The following TDO2 variants were observed in gnomAD, a reference collection of about 807,000 sequenced individuals.
The protein encoded by TDO2 is tryptamin 2,3-dioxygenase.
A neutral mutation model predicts 61.2 loss-of-function variants in TDO2; 63 were observed. The observed-to-expected ratio is 1.03, with a 90% CI of 0.84 to 1.27. TDO2 has a LOEUF of 1.27. TDO2 is among the 50% of genes most tolerant of loss of function. The pLI, the probability that TDO2 is intolerant of heterozygous loss-of-function variation, is 0.00. For synonymous variants in TDO2, 183 were observed against 164.0 expected (o/e 1.12, Z -0.89); for missense variants, 494 against 469.5 (o/e 1.05, Z -0.48).
intron 1 of TDO2, 102 bp downstream of exon 1, chr4:155,903,895 T>C (rs1352399265): frequency 6.6e-7 from 1 of 1,525,372 alleles, no homozygotes; most frequent in South Asian, 1.1e-5. Flanking sequence ...CTGTCACCTT[T>C]ATTCCTTTGT....
chr4:155,903,834 G>A, intron 1 of TDO2, 41 bp downstream of exon 1: 1 of 1,608,602 alleles, frequency 6.2e-7, no homozygotes, highest in Non-Finnish European at 8.5e-7. Context: ...TTGGCTTTTA[G>A]AAGTATCAGG....
Position 155,908,771 on chromosome 4 carries a change from G to A in TDO2, c.304-116G>A, listed in dbSNP as rs909668859. ...ACTCTTTGCAAATTTTAGTTTCAAA[G>A]TTTCCCTTTAAAACCAAATTAGAGA... is the stretch of plus-strand genomic sequence containing the variant. On this transcript the variant is annotated intron_variant, in intron 4 of 11. Transcript: ENST00000536354. 29 of 1,325,168 alleles carry A rather than the reference G, an allele frequency of 2.2e-5. No homozygotes were observed. The African/African-American group carries it at 3.3e-4, about 15-fold the overall frequency. 82.1% of individuals were successfully genotyped at this position (1,325,168 alleles called of 1,614,324 possible).
intron 7 of TDO2, among the ~76,000 whole-genome samples, chr4:155,912,170 G>A (rs1008754305): frequency 3.3e-5 from 5 of 152,254 alleles, no homozygotes; most frequent in Admixed American, 3.3e-4. Flanking sequence ...CATGCTACTT[G>A]GGTTCCATTT....
At chr4:155,912,161 A>G (rs574718900) in intron 7 of TDO2, among the ~76,000 whole-genome samples, 2 of 152,306 alleles carry the variant, frequency 1.3e-5, no homozygotes, top group Admixed American at 6.5e-5. Context: ...CTTTGAAGTC[A>G]TGCTACTTGG....
chr4:155,904,139 CTTACAGGGTTT>C lies in TDO2; in HGVS notation c.141+17_141+27del. The C allele has an allele frequency of 1.9e-6, 3 of 1,589,606 alleles. No individual in the cohort carries two copies. Among genetic ancestry groups the C allele is most frequent in the Non-Finnish European group, 2.6e-6 (3 of 1,159,426 alleles). ...CTACCTGCATGTAAGTGGCAGGGTC[CTTACAGGGTTT>C]GGTGTCCATTGTTAGGCACTCAATT... On this transcript the variant is annotated intron_variant, in intron 2 of 11. Coordinates refer to ENST00000536354, the MANE Select transcript of TDO2 (RefSeq NM_005651.4).
intron 3 of TDO2, 51 bp downstream of exon 3, chr4:155,905,208 T>C (rs1180087148): frequency 2.3e-6 from 3 of 1,318,272 alleles, no homozygotes; most frequent in Non-Finnish European, 3.1e-6. Flanking sequence ...TTCTCATTGA[T>C]AACGAGGAAA....
At position 155,919,948 on chromosome 4, in the gene TDO2, A is replaced by G. The variant is rs1237885920; in HGVS notation, c.1179A>G (p.Glu393=). The G allele has an allele frequency of 6.2e-7, 1 of 1,613,744 alleles. No homozygotes were observed. The highest frequency in any genetic ancestry group is 8.5e-7 in the Non-Finnish European group (1 of 1,179,772). ...TTCACAAATTTCTATATACAGCAGA[A>G]TACTGTGATAGCTCCTACTTCAGCA... ...PTIHKFLYTA[E]YCDSSYFSSD... is the part of the protein sequence containing the mutation. The change falls in exon 12 of 12, where the codon GAA becomes GAG. Residue 393 remains glutamate, a synonymous_variant. Transcript: ENST00000536354.
intron 9 of TDO2, among the ~76,000 whole-genome samples, chr4:155,917,071 T>C (rs2110884794): frequency 6.6e-6 from 1 of 152,362 alleles, no homozygotes; most frequent in African/African-American, 2.4e-5. Context: ...TAGAAGTGTT[T>C]GATTATTTTC....
intron 5 of TDO2, 140 bp downstream of exon 5, chr4:155,909,154 C>G (rs545191660): frequency 1.6e-6 from 1 of 641,498 alleles, no homozygotes; most frequent in Non-Finnish European, 2.3e-6. Context: ...TAGGGGTCTT[C>G]GATCACAAAG....
At chr4:155,904,788 A>C (rs1013501945) in intron 2 of TDO2, among the ~76,000 whole-genome samples, 1 of 152,192 alleles carries the variant, frequency 6.6e-6, no homozygotes, top group African/African-American at 2.4e-5. Context: ...AGTTTTCATC[A>C]TATTCATTTC....
intron 9 of TDO2, 68 bp downstream of exon 9, chr4:155,915,980 A>G (rs1742925754): frequency 7.6e-7 from 1 of 1,314,214 alleles, no homozygotes; most frequent in Non-Finnish European, 1.1e-6. Flanking sequence ...TGTCCAGTAT[A>G]AAGCCTAAAA....
chr4:155,907,772 G>A lies in TDO2; in HGVS notation c.283G>A (p.Glu95Lys). Residue 95 changes from glutamate to lysine, a missense_variant, in exon 4 of 12, where the codon GAG becomes AAG. Physicochemically the swap from Glu to Lys is moderately conservative, Grantham distance 56. Transcript: ENST00000536354. Reference sequence around the variant, plus strand: ...CCTCTGGGAGTTGGATTCTGTTCGAGAGATCTTTCAGAATGGCCATGTAAG... The same window carrying A: ...CCTCTGGGAGTTGGATTCTGTTCGAAAGATCTTTCAGAATGGCCATGTAAG... The part of the protein sequence containing the change: ...QILWELDSVR[E>K]IFQNGHVRDE... 2 of 1,613,266 alleles carry A rather than the reference G, an allele frequency of 1.2e-6. No individual in the cohort carries two copies. The highest frequency in any genetic ancestry group is 1.7e-6 in the Non-Finnish European group (2 of 1,179,522).
rs543211027 is a variant in TDO2, at chr4:155,911,712, T to C, written c.726+108T>C. ...ACCTTTTCTCTTTCTCATATTTTTT[T>C]CTTAGACAAATGTATTTTCTTGGAC... On this transcript the variant is annotated intron_variant, in intron 7 of 11. Transcript: ENST00000536354. 1.3e-3 allele frequency: 961 copies of C among 729,854 alleles called. 1 individual carries two copies. The highest frequency in any genetic ancestry group is 1.8e-3 in the Non-Finnish European group (886 of 480,234). 45.2% of individuals were successfully genotyped at this position (729,854 alleles called of 1,614,324 possible).
chr4:155,904,095 GA>G lies in TDO2; in HGVS notation c.114del (p.Gly39ValfsTer14). On this transcript the variant is annotated frameshift_variant, in exon 2 of 12. Coordinates refer to ENST00000536354, the MANE Select transcript of TDO2 (RefSeq NM_005651.4). LOFTEE classifies it high-confidence loss of function. Reference protein sequence around the residue: ...SQTGVNRASKGGLIYGNYLHL... With the variant: ...SQTGVNRASKXGLIYGNYLHL... ...ACTGGTGTGAATAGAGCCAGCAAAG[GA>G]GGTCTTATCTATGGGAACTACCTGC... The G allele has an allele frequency of 6.2e-7, 1 of 1,614,012 alleles. No individual in the cohort carries two copies. Among genetic ancestry groups the G allele is most frequent in the South Asian group, 1.1e-5 (1 of 91,074 alleles).
At chr4:155,915,819 G>A in intron 8 of TDO2, 36 bp from the exon 9 acceptor site, 2 of 1,577,416 alleles carry the variant, frequency 1.3e-6, no homozygotes, top group Non-Finnish European at 1.7e-6. Context: ...TACCTTAAAT[G>A]ACCTAAAAAA....
intron 8 of TDO2, 30 bp downstream of exon 8, chr4:155,914,464 C>A: frequency 6.8e-7 from 1 of 1,468,450 alleles, no homozygotes; most frequent in Non-Finnish European, 9.2e-7. Flanking sequence ...GAATCTTTTC[C>A]CTGGAATGTG....
intron 7 of TDO2, among the ~76,000 whole-genome samples, chr4:155,912,636 T>A (rs1206445301): frequency 6.6e-6 from 1 of 152,114 alleles, no homozygotes; most frequent in Admixed American, 6.5e-5. Flanking sequence ...TAGAGTTTTG[T>A]AGTCCATTGG....
In TDO2 at chr4:155,918,323, GC is replaced by G. The variant is rs551547700; in HGVS notation, c.1067+86del. 226 of 1,316,816 alleles carry G rather than the reference GC, an allele frequency of 1.7e-4. 1 individual carries two copies. The African/African-American group carries it at 3.0e-3, about 17-fold the overall frequency. 81.6% of individuals were successfully genotyped at this position (1,316,816 alleles called of 1,614,324 possible). A position where few individuals can be genotyped will look rare whatever the true frequency, so the allele number is the denominator to read the frequency against. On this transcript the variant is annotated intron_variant, in intron 11 of 11. Coordinates refer to ENST00000536354, the MANE Select transcript of TDO2 (RefSeq NM_005651.4). Reference sequence around the variant, plus strand: ...CCTATACATTTGCTATCTAAAAAAAGCCATTTTATTTGCTCCTGTCTGAACT... The same window carrying G: ...CCTATACATTTGCTATCTAAAAAAAGCATTTTATTTGCTCCTGTCTGAACT...
chr4:155,914,247 C>A, intron 7 of TDO2, 76 bp from the exon 8 acceptor site: 1 of 1,068,170 alleles, frequency 9.4e-7, no homozygotes, highest in South Asian at 1.5e-5. Context: ...AAGTCTTTTC[C>A]TCATAAGCAA....
Sources: gnomAD v4.1 joint callset for allele counts (sites outside exome capture counted in the v4.1 genomes callset) on GRCh38, gnomAD v4.1.1 for gene constraint, MANE v1.5 for transcripts, NCBI Gene and HGNC (gene_info 2026-07-23, HGNC 2026-07-21) for gene names.